OTOP1: variants seen among roughly 807,000 people sequenced by gnomAD.
OTOP1 encodes otopetrin 1.
In OTOP1, 59 loss-of-function variants were observed where a neutral mutation model predicts 52.9. That is an observed-to-expected ratio of 1.12 (90% CI 0.91 to 1.39). OTOP1 has a LOEUF of 1.39. Among genes scored for constraint, OTOP1 ranks in the 40% most tolerant of loss-of-function variants. The pLI is 0.00. For synonymous variants in OTOP1, 317 were observed against 337.7 expected, an observed-to-expected ratio of 0.94 and a Z score of 0.67; for missense variants, 761 against 800.9, an observed-to-expected ratio of 0.95 and a Z score of 0.60.
At position 4,202,531 on chromosome 4, in the gene OTOP1, T is replaced by C. The variant is rs754094066; in HGVS notation, c.647A>G (p.Asn216Ser). The stretch of plus-strand genomic sequence containing the variant: ...GTGCTTTGACTCATTGAGGACGCCA[T>C]TGGCCCACAGAAGCAGGTTGGTGAA... ...SVFTNLLLWA[N>S]GVLNESKHQL... Residue 216 changes from asparagine (N) to serine (S), a missense_variant, in exon 4 of 6, where the codon AAT becomes AGT. This residue lies in a region of OTOP1 where 632 missense variants were observed against 619.5 expected (regional missense o/e 1.02). Transcript: ENST00000296358. 6.8e-6 allele frequency: 11 copies of C among 1,614,074 alleles called. No individual in the cohort carries two copies. The highest frequency in any genetic ancestry group is 2.7e-5 in the African/African-American group (2 of 75,054).
At chr4:4,213,480 C>T (rs565454938) in intron 1 of OTOP1, among the ~76,000 whole-genome samples, 14 of 152,274 alleles carry the variant, frequency 9.2e-5, no homozygotes, top group Non-Finnish European at 1.3e-4. Flanking sequence ...AAAACATTAG[C>T]AAATTATATA....
At chr4:4,220,003 A>G (rs1466397680) in intron 1 of OTOP1, among the ~76,000 whole-genome samples, 5 of 52,594 alleles carry the variant, frequency 9.5e-5, no homozygotes, top group South Asian at 1.6e-3. Context: ...GTGTATATAC[A>G]TATATATGTA....
intron 1 of OTOP1, among the ~76,000 whole-genome samples, chr4:4,216,305 TG>T (rs1717151387): frequency 1.3e-5 from 2 of 152,140 alleles, no homozygotes; most frequent in African/African-American, 4.8e-5. Flanking sequence ...AAAAGACACT[TG>T]GTGACAAATG....
chr4:4,209,179 C>T (rs113215832), intron 2 of OTOP1, among the ~76,000 whole-genome samples: 1 of 152,272 alleles, frequency 6.6e-6, no homozygotes, highest in East Asian at 1.9e-4. Context: ...AGGCAGGAGT[C>T]CCCTCTCCTT....
intron 5 of OTOP1, among the ~76,000 whole-genome samples, chr4:4,196,745 A>G (rs1716636276): frequency 6.6e-6 from 1 of 152,044 alleles, no homozygotes; most frequent in Admixed American, 6.6e-5. Context: ...AAATAAATAG[A>G]AAATGTGTAG....
intron 5 of OTOP1, among the ~76,000 whole-genome samples, chr4:4,190,178 T>A (rs1577172867): frequency 6.6e-6 from 1 of 151,998 alleles, no homozygotes; most frequent in Admixed American, 6.6e-5. Flanking sequence ...AGATCAAAAG[T>A]ATTCAAAAAG....
chr4:4,193,300 G>C (rs912878044), intron 5 of OTOP1, among the ~76,000 whole-genome samples: 2 of 152,050 alleles, frequency 1.3e-5, no homozygotes, highest in Non-Finnish European at 2.9e-5. Flanking sequence ...CCATTCCTTA[G>C]AAGAGGACTT....
chr4:4,226,481 C>G lies in OTOP1; in HGVS notation c.384G>C (p.Ala128=), dbSNP rs80224470. The part of the protein sequence containing the change: ...RRLFRLKDTH[A]GAGWLRGSIT... ...ACTCACCGCGCAGCCAGCCGGCACC[C>G]GCGTGCGTGTCCTTGAGGCGGAAGA... Residue 128 remains alanine, a synonymous_variant, in exon 1 of 6, where the codon GCG becomes GCC. Transcript: ENST00000296358. 3.6e-3 allele frequency: 4,884 copies of G among 1,366,086 alleles called. 139 individuals carry two copies. In the African/African-American group the frequency reaches 0.064, roughly 18 times the overall value. The allele number at this position is 1,366,086 out of a possible 1,614,324, so 84.6% of individuals were successfully genotyped here.
rs567831037 is a variant in OTOP1 at position 4,224,130 on chromosome 4, C to T, written c.403+2332G>A. 5.7e-4 allele frequency among the ~76,000 whole-genome samples: 86 copies of T among 151,820 alleles called. 1 individual carries two copies. Among genetic ancestry groups the T allele is most frequent in the Middle Eastern group, 6.9e-3 (2 of 290 alleles). ...TTGGGAGGCTGAGGCAGGCAGATCACGAGGTCAGGAGTTTGAGACCAGTCT... is the reference window on the plus strand; with the variant it reads ...TTGGGAGGCTGAGGCAGGCAGATCATGAGGTCAGGAGTTTGAGACCAGTCT... On this transcript the variant is annotated intron_variant, in intron 1 of 5. Coordinates refer to ENST00000296358, the MANE Select transcript of OTOP1 (RefSeq NM_177998.3).
chr4:4,223,616 C>G (rs888065699), intron 1 of OTOP1, among the ~76,000 whole-genome samples: 2 of 152,090 alleles, frequency 1.3e-5, no homozygotes, highest in Non-Finnish European at 2.9e-5. Context: ...CTAAATGCAC[C>G]AGGCCGGGCG....
intron 5 of OTOP1, among the ~76,000 whole-genome samples, chr4:4,194,465 G>A (rs903435470): frequency 2.6e-5 from 4 of 152,302 alleles, no homozygotes; most frequent in African/African-American, 7.2e-5. Context: ...TGGGCCTTCC[G>A]CCTTCAGCGC....
chr4:4,192,147 G>T (rs867528168), intron 5 of OTOP1, among the ~76,000 whole-genome samples: 2 of 152,312 alleles, frequency 1.3e-5, no homozygotes, highest in Middle Eastern at 6.8e-3. Flanking sequence ...CCAGGCCTTA[G>T]GAGACAGGCA....
chr4:4,218,974 G>T (rs927329994), intron 1 of OTOP1, among the ~76,000 whole-genome samples: 3 of 149,476 alleles, frequency 2.0e-5, no homozygotes, highest in African/African-American at 7.4e-5. Flanking sequence ...TGAGAGTGAG[G>T]GAAGAAAAAA....
chr4:4,226,876 C>T lies in OTOP1; in HGVS notation c.-12G>A, dbSNP rs2108809330. On this transcript the variant is annotated 5_prime_UTR_variant, in exon 1 of 6. Coordinates refer to ENST00000296358, the MANE Select transcript of OTOP1 (RefSeq NM_177998.3). ...AGGCCCTCGAGCATCTTCGAGACAC[C>T]CGCGCCAAGTCTGGTCCCGGGGGTG... 2 of 1,319,046 alleles carry T rather than the reference C, an allele frequency of 1.5e-6. No homozygotes were observed. The highest frequency in any genetic ancestry group is 3.1e-5 in the East Asian group (1 of 31,906). 81.7% of individuals were successfully genotyped at this position (1,319,046 alleles called of 1,614,324 possible). A position where few individuals can be genotyped will look rare whatever the true frequency, so the allele number is the denominator to read the frequency against.
rs778080843 is a variant in OTOP1 at position 4,197,203 on chromosome 4, C to T, written c.1631G>A (p.Arg544Lys). The change falls in exon 5 of 6, where the codon AGG becomes AAG. Residue 544 changes from arginine to lysine, a missense_variant. By Grantham distance (26) the Arg-to-Lys change is conservative. Around this residue, in one of 3 missense-constraint regions of OTOP1, gnomAD observed 632 missense variants for 619.5 expected, o/e 1.02. Coordinates refer to ENST00000296358, the MANE Select transcript of OTOP1 (RefSeq NM_177998.3). ...GAGGAACAAGAAGGCTGCAATATTC[C>T]TCAGGACTTTTCTCTTGGCGTTGCC... ...LQGNAKRKVLRNIAAFLFLCN... is the reference protein window; with the variant it reads ...LQGNAKRKVLKNIAAFLFLCN... 1.9e-6 allele frequency: 3 copies of T among 1,613,034 alleles called. No homozygotes were observed. In the East Asian group the frequency reaches 6.7e-5, roughly 36 times the overall value.
intron 4 of OTOP1, among the ~76,000 whole-genome samples, chr4:4,201,459 AATATAT>A (rs112973192): frequency 2.9e-5 from 4 of 136,538 alleles, no homozygotes; most frequent in Admixed American, 7.8e-5. Flanking sequence ...TAAATAAATA[AATATAT>A]ATATATACAC....
At chr4:4,189,266 C>T (rs1406590829) in intron 5 of OTOP1, among the ~76,000 whole-genome samples, 3 of 152,234 alleles carry the variant, frequency 2.0e-5, no homozygotes, top group East Asian at 3.8e-4. Context: ...CGCCCAGCCT[C>T]GGTTTCCTCA....
At chr4:4,206,232 T>A in intron 2 of OTOP1, 102 bp from the exon 3 acceptor site, 1 of 953,052 alleles carries the variant, frequency 1.0e-6, no homozygotes, top group Non-Finnish European at 1.6e-6. Flanking sequence ...TATGAGAAAA[T>A]GCTGGGACAT....
Position 4,202,464 on chromosome 4 carries a change from A to C in OTOP1, c.714T>G (p.Phe238Leu). Reference protein sequence around the residue: ...EHKERLITLGFGNITTVLDDH... With the variant: ...EHKERLITLGLGNITTVLDDH... ...ACCACTCACCTGTTGTTATGTTCCCAAAACCCAGAGTGATGAGCCGTTCCT... is the reference window on the plus strand; with the variant it reads ...ACCACTCACCTGTTGTTATGTTCCCCAAACCCAGAGTGATGAGCCGTTCCT... The change falls in exon 4 of 6, where the codon TTT becomes TTG. Residue 238 changes from phenylalanine to leucine, a missense_variant. This residue lies in a region of OTOP1 where 632 missense variants were observed against 619.5 expected (regional missense o/e 1.02). Transcript: ENST00000296358. 1 of 1,613,792 alleles carries C rather than the reference A, an allele frequency of 6.2e-7. No individual in the cohort carries two copies. Among genetic ancestry groups the C allele is most frequent in the Non-Finnish European group, 8.5e-7 (1 of 1,179,778 alleles).
Sources: gnomAD v4.1 joint callset for allele counts (sites outside exome capture counted in the v4.1 genomes callset) on GRCh38, gnomAD v4.1.1 for gene constraint, gnomAD v4.1.1 regional missense constraint, MANE v1.5 for transcripts, NCBI Gene and HGNC (gene_info 2026-07-23, HGNC 2026-07-21) for gene names.